GRID2: variants seen among roughly 807,000 people sequenced by gnomAD.
GRID2 encodes the protein glutamate ionotropic receptor delta type subunit 2.
Under a neutral mutation model 114.8 loss-of-function variants are expected in GRID2, and 33 were observed. The observed-to-expected ratio is 0.29, with a 90% confidence interval of 0.22 to 0.38. GRID2 has a LOEUF of 0.38. Among genes scored for constraint, GRID2 ranks in the 10% least tolerant of loss-of-function variants. The pLI is 1.00. For synonymous variants in GRID2, 505 were observed against 449.9 expected (o/e 1.12, Z -1.55); for missense variants, 1,184 against 1,257.7 (o/e 0.94, Z 0.89).
chr4:93,673,663 T>C (rs2110071568), intron 14 of GRID2, among the ~76,000 whole-genome samples: 1 of 152,324 alleles, frequency 6.6e-6, no homozygotes, highest in African/African-American at 2.4e-5. Context: ...CCCTAAGCTG[T>C]CCTTTAAACA....
intron 1 of GRID2, among the ~76,000 whole-genome samples, chr4:92,446,245 C>T (rs62312217): frequency 0.14 from 21,440 of 152,168 alleles, 1,841 homozygotes; most frequent in South Asian, 0.21. Context: ...CCACACCTGG[C>T]TTTATCCCAT....
chr4:93,780,370 A>T (rs1398725827), intron 1 of GRID2, among the ~76,000 whole-genome samples: 1 of 152,220 alleles, frequency 6.6e-6, no homozygotes, highest in African/African-American at 2.4e-5. Context: ...TAGCGAGACG[A>T]TCAATTCAGC....
chr4:93,780,980 A>G (rs1734467833), intron 1 of GRID2, among the ~76,000 whole-genome samples: 1 of 152,258 alleles, frequency 6.6e-6, no homozygotes, highest in Non-Finnish European at 1.5e-5. Context: ...GTATTGAAGG[A>G]AGAATCAAGA....
chr4:93,025,535 T>G (rs185393748), intron 2 of GRID2, among the ~76,000 whole-genome samples: 1 of 151,884 alleles, frequency 6.6e-6, no homozygotes, highest in Admixed American at 6.6e-5. Flanking sequence ...TTGCTTAAAA[T>G]GGATTTAAGC....
At chr4:93,619,646 A>C (rs1742030525) in intron 13 of GRID2, among the ~76,000 whole-genome samples, 1 of 152,252 alleles carries the variant, frequency 6.6e-6, no homozygotes, top group Non-Finnish European at 1.5e-5. Context: ...ATTCCTAAGA[A>C]TCAGAAATGC....
At chr4:93,646,052 T>A (rs1438214433) in intron 14 of GRID2, among the ~76,000 whole-genome samples, 1 of 152,200 alleles carries the variant, frequency 6.6e-6, no homozygotes, top group African/African-American at 2.4e-5. Flanking sequence ...AGCAGTTACT[T>A]AGTGCTTGAA....
At chr4:92,659,510 CACTT>C (rs2149268069) in intron 2 of GRID2, among the ~76,000 whole-genome samples, 1 of 151,600 alleles carries the variant, frequency 6.6e-6, no homozygotes, top group South Asian at 2.1e-4. Flanking sequence ...TAAGTGCACT[CACTT>C]CAAGATTGTT....
At chr4:93,159,885 A>C (rs1737526920) in intron 4 of GRID2, among the ~76,000 whole-genome samples, 1 of 151,854 alleles carries the variant, frequency 6.6e-6, no homozygotes, top group South Asian at 2.1e-4. Context: ...CCATTATTTA[A>C]AAAATACTAG....
chr4:92,969,612 T>C (rs1207742366), intron 2 of GRID2, among the ~76,000 whole-genome samples: 1 of 151,612 alleles, frequency 6.6e-6, no homozygotes, highest in Non-Finnish European at 1.5e-5. Flanking sequence ...ATCTTCCTCA[T>C]AACGCTATGA....
chr4:93,496,697 G>T (rs1427931889), intron 12 of GRID2, among the ~76,000 whole-genome samples: 2 of 151,808 alleles, frequency 1.3e-5, no homozygotes, highest in Admixed American at 6.6e-5. Flanking sequence ...CCAAGTTGTT[G>T]TATGTAATAG....
chr4:92,562,671 A>G (rs1304188061), intron 1 of GRID2, among the ~76,000 whole-genome samples: 2 of 152,176 alleles, frequency 1.3e-5, no homozygotes, highest in Non-Finnish European at 2.9e-5. Flanking sequence ...TAGATGGGCA[A>G]TGAGTATCAT....
intron 13 of GRID2, among the ~76,000 whole-genome samples, chr4:93,591,503 G>T (rs1046848691): frequency 2.0e-5 from 3 of 152,194 alleles, no homozygotes; most frequent in East Asian, 1.9e-4. Context: ...TCAGGGATAT[G>T]GGTCTAAAAT....
chr4:92,507,313 G>A (rs1012000273), intron 1 of GRID2, among the ~76,000 whole-genome samples: 1 of 151,696 alleles, frequency 6.6e-6, no homozygotes, highest in South Asian at 2.1e-4. Flanking sequence ...TACACCACTT[G>A]GATGTCCTGA....
intron 1 of GRID2, among the ~76,000 whole-genome samples, chr4:92,336,954 G>GTTTTTTTTTTTTTTTTTTTTTTTT (rs59093874): frequency 1.3e-5 from 1 of 78,178 alleles, no homozygotes; most frequent in African/African-American, 5.3e-5. Context: ...TTTCGTTGTT[G>GTTTTTTTTTTTTTTTTTTTTTTTT]TTTTTTTTTT....
At chr4:92,859,916 T>C (rs2149433578) in intron 2 of GRID2, among the ~76,000 whole-genome samples, 1 of 152,234 alleles carries the variant, frequency 6.6e-6, no homozygotes, top group East Asian at 1.9e-4. Context: ...TTCTGTCCAG[T>C]AGATGCCATT....
At chr4:93,476,835 T>G (rs1725365770) in intron 11 of GRID2, among the ~76,000 whole-genome samples, 1 of 152,110 alleles carries the variant, frequency 6.6e-6, no homozygotes, top group Admixed American at 6.6e-5. Flanking sequence ...AGTCTTATTT[T>G]TATCATTAAC....
intron 8 of GRID2, among the ~76,000 whole-genome samples, chr4:93,250,740 A>C (rs1402613182): frequency 6.8e-6 from 1 of 147,280 alleles, no homozygotes; most frequent in South Asian, 2.1e-4. Flanking sequence ...GCATATATAT[A>C]ATGTTATATA....
chr4:92,573,954 G>T (rs1328771456), intron 1 of GRID2, among the ~76,000 whole-genome samples: 1 of 152,058 alleles, frequency 6.6e-6, no homozygotes, highest in African/African-American at 2.4e-5. Context: ...TCTCTTTAAA[G>T]GTCCCTAAGA....
chr4:93,378,734 A>T (rs1424423047), intron 8 of GRID2, among the ~76,000 whole-genome samples: 2 of 152,070 alleles, frequency 1.3e-5, no homozygotes, highest in Non-Finnish European at 2.9e-5. Context: ...ATATTGCCCA[A>T]GTGTCTTTTC....
Sources: allele counts gnomAD v4.1 joint callset (sites outside exome capture counted in the v4.1 genomes callset), GRCh38; gene constraint gnomAD v4.1.1; transcripts MANE v1.5; gene names NCBI Gene and HGNC (gene_info 2026-07-23, HGNC 2026-07-21).